Variants in TRPC5 observed in about 807,000 individuals in gnomAD.
The protein encoded by TRPC5 is short transient receptor potential channel 5.
In TRPC5, 9 loss-of-function variants were observed where a neutral mutation model predicts 56.5. That is an observed-to-expected ratio of 0.16 (90% CI 0.10 to 0.28). The LOEUF (loss-of-function observed/expected upper bound fraction) is 0.28. TRPC5 is among the 10% of genes least tolerant of loss of function. TRPC5 has a pLI of 1.00. For synonymous variants in TRPC5, 282 were observed against 278.5 expected (o/e 1.01, Z -0.13); for missense variants, 469 against 748.9 (o/e 0.63, Z 4.36).
intron 1 of TRPC5, among the ~76,000 whole-genome samples, chrX:112,025,770 C>A (rs1929397527): frequency 9.0e-6 from 1 of 111,294 alleles, no homozygotes; most frequent in Non-Finnish European, 1.9e-5. Flanking sequence ...CACAGGAAAA[C>A]CTAAGAGATA....
At chrX:111,790,505 C>A (rs1002998051) in intron 7 of TRPC5, among the ~76,000 whole-genome samples, 3 of 111,330 alleles carry the variant, frequency 2.7e-5, no homozygotes, top group Middle Eastern at 9.2e-3. Flanking sequence ...ACATGTATAC[C>A]TATGTATCAC....
intron 1 of TRPC5, among the ~76,000 whole-genome samples, chrX:112,045,318 G>T (rs1180573200): frequency 1.8e-5 from 2 of 111,441 alleles, no homozygotes; most frequent in East Asian, 2.8e-4. Flanking sequence ...GGAGTAATGT[G>T]GTCACAAGTC....
At chrX:111,976,041 C>A (rs1390699180) in intron 1 of TRPC5, among the ~76,000 whole-genome samples, 1 of 112,258 alleles carries the variant, frequency 8.9e-6, no homozygotes, top group African/African-American at 3.2e-5. Context: ...ACTATATTAA[C>A]AGAATAAAAA....
At chrX:111,827,393 A>T (rs182850287) in intron 7 of TRPC5, among the ~76,000 whole-genome samples, 8 of 110,901 alleles carry the variant, frequency 7.2e-5, no homozygotes, top group Middle Eastern at 4.7e-3. Flanking sequence ...AGACCACCCA[A>T]TGCCTCTACC....
rs137903509 is a variant in TRPC5 at position 112,056,848 on chromosome X, T to A, written c.-22+25031A>T. 7.5e-4 allele frequency among the ~76,000 whole-genome samples: 84 copies of A among 112,529 alleles called. No individual in the cohort carries two copies. In the East Asian group the frequency reaches 0.017, roughly 23 times the overall value. On this transcript the variant is annotated intron_variant, in intron 1 of 10. Coordinates refer to ENST00000262839, the MANE Select transcript of TRPC5 (RefSeq NM_012471.3). ...CATAGGCAGCATTTACAGCCAACCA[T>A]TGAGTGGCAATTTCAATTGTTTGAT...
chrX:112,072,030 T>G (rs1036719787), intron 1 of TRPC5, among the ~76,000 whole-genome samples: 1 of 112,331 alleles, frequency 8.9e-6, no homozygotes. Context: ...TCTGAAATAT[T>G]GGTATTTTCA....
rs775724502 is a variant in TRPC5 at position 112,002,511 on chromosome X, C to T, written c.-21-50070G>A. Among the ~76,000 whole-genome samples, 13 of 111,781 alleles carry T rather than the reference C, an allele frequency of 1.2e-4. 1 individual carries two copies. The highest frequency in any genetic ancestry group is 3.6e-4 in the African/African-American group (11 of 30,700). On this transcript the variant is annotated intron_variant, in intron 1 of 10. Transcript: ENST00000262839. ...ACATACTCCTGCTCTTTCTTTTTCT[C>T]GTTCTTTCTTATTGCCTGGACTATG...
intron 1 of TRPC5, among the ~76,000 whole-genome samples, chrX:112,003,062 G>T (rs1249997050): frequency 9.0e-6 from 1 of 111,217 alleles, no homozygotes; most frequent in Non-Finnish European, 1.9e-5. Flanking sequence ...TGCTTATGTG[G>T]GTATTCATTT....
intron 1 of TRPC5, among the ~76,000 whole-genome samples, chrX:111,979,071 C>T (rs773569053): frequency 1.1e-4 from 12 of 110,841 alleles, no homozygotes; most frequent in Non-Finnish European, 1.9e-4. Context: ...AAGATGTACA[C>T]ATTGGACTTT....
At chrX:111,782,740 T>C (rs191321740) in intron 7 of TRPC5, among the ~76,000 whole-genome samples, 1 of 108,844 alleles carries the variant, frequency 9.2e-6, no homozygotes, top group Admixed American at 9.9e-5. Flanking sequence ...AGAATAAAAT[T>C]CAACCATTTA....
chrX:111,815,281 C>A (rs915661499), intron 7 of TRPC5, among the ~76,000 whole-genome samples: 2 of 111,474 alleles, frequency 1.8e-5, no homozygotes. Flanking sequence ...AATGCAGATT[C>A]CTGGGTCCCA....
At chrX:112,003,596 G>A (rs1012730834) in intron 1 of TRPC5, among the ~76,000 whole-genome samples, 3 of 110,595 alleles carry the variant, frequency 2.7e-5, no homozygotes, top group African/African-American at 9.9e-5. Context: ...GCATATGCAA[G>A]GTTGTAGGAG....
At chrX:111,928,341 C>CTTA (rs1479496908) in intron 2 of TRPC5, among the ~76,000 whole-genome samples, 1 of 112,057 alleles carries the variant, frequency 8.9e-6, no homozygotes, top group African/African-American at 3.2e-5. Flanking sequence ...CATCATTCAA[C>CTTA]TGCAAGCAAG....
intron 7 of TRPC5, among the ~76,000 whole-genome samples, chrX:111,825,228 T>C (rs12859593): frequency 5.9e-4 from 45 of 76,033 alleles, no homozygotes; most frequent in Middle Eastern, 6.1e-3. Flanking sequence ...TCTTCTTTCT[T>C]TCTCTCTCTC....
chrX:112,029,692 T>C (rs960667275), intron 1 of TRPC5, among the ~76,000 whole-genome samples: 8 of 112,096 alleles, frequency 7.1e-5, no homozygotes, highest in Non-Finnish European at 1.5e-4. Flanking sequence ...CCATTTTAAC[T>C]GGAGTGAACT....
intron 1 of TRPC5, among the ~76,000 whole-genome samples, chrX:112,027,704 G>A (rs1929455464): frequency 9.0e-6 from 1 of 110,589 alleles, no homozygotes; most frequent in Non-Finnish European, 1.9e-5. Context: ...CACCGTGTTA[G>A]CCATGATGGT....
At chrX:112,028,676 T>C (rs966252260) in intron 1 of TRPC5, among the ~76,000 whole-genome samples, 1 of 112,425 alleles carries the variant, frequency 8.9e-6, no homozygotes, top group Non-Finnish European at 1.9e-5. Flanking sequence ...AGTCTAACAT[T>C]GATGGACATT....
chrX:111,917,254 C>T (rs1243521884), intron 2 of TRPC5, among the ~76,000 whole-genome samples: 1 of 112,490 alleles, frequency 8.9e-6, no homozygotes, highest in Non-Finnish European at 1.9e-5. Context: ...AGATAACCCG[C>T]TCTCGCCAGC....
Position 111,832,595 on chromosome X carries a change from A to G in TRPC5, c.1896+2326T>C, listed in dbSNP as rs746169549. Among the ~76,000 whole-genome samples the G allele has an allele frequency of 2.7e-5, 3 of 112,058 alleles. No homozygotes were observed. In the South Asian group the frequency reaches 1.1e-3, roughly 42 times the overall value. ...GGTATTTTTGGAATCAGGTTGTCCA[A>G]TATCATGATCCCACTGGATCCATTT... On this transcript the variant is annotated intron_variant, in intron 7 of 10. Transcript: ENST00000262839.
Sources: allele counts gnomAD v4.1 joint callset (sites outside exome capture counted in the v4.1 genomes callset), GRCh38; gene constraint gnomAD v4.1.1; transcripts MANE v1.5; gene names NCBI Gene and HGNC (gene_info 2026-07-23, HGNC 2026-07-21).